Variants in SANBR observed in about 807,000 individuals in gnomAD.
SANBR encodes SANT and BTB domain regulator of CSR, also known as SANT and BTB domain regulator of class switch recombination.
A neutral mutation model predicts 101.8 loss-of-function variants in SANBR; 77 were observed. The ratio of observed to expected loss-of-function variants is 0.76; its 90% CI spans 0.63 to 0.91. The LOEUF (loss-of-function observed/expected upper bound fraction) is 0.91, where lower values mean the gene tolerates loss of function less well. Among genes scored for constraint, SANBR ranks in the 40% least tolerant of loss-of-function variants. The pLI, the probability that SANBR is intolerant of heterozygous loss-of-function variation, is 0.00. For missense variants in SANBR, 875 were observed against 853.0 expected, an observed-to-expected ratio of 1.03 and a Z score of -0.32; for synonymous variants, 279 against 274.7, an observed-to-expected ratio of 1.02 and a Z score of -0.15.
At position 61,109,181 on chromosome 2, in the gene SANBR, T is replaced by G. The variant is rs780451080; in HGVS notation, c.1645-16T>G. 7.9e-6 allele frequency: 9 copies of G among 1,135,356 alleles called. No individual in the cohort carries two copies. The highest frequency in any genetic ancestry group is 1.1e-5 in the Non-Finnish European group (9 of 816,050). The allele number at this position is 1,135,356 out of a possible 1,614,324, so 70.3% of individuals were successfully genotyped here. On this transcript the variant is annotated splice_polypyrimidine_tract_variant and intron_variant, in intron 15 of 21. Coordinates refer to ENST00000402291, the MANE Select transcript of SANBR (RefSeq NM_001129993.3). ...ATCATAATATTACATTTATAATAGA[T>G]TTTTTTTTAACTTAGAAACAACAGT...
chr2:61,106,013 C>G lies in SANBR; in HGVS notation c.1512-550C>G, dbSNP rs145383370. On this transcript the variant is annotated intron_variant, in intron 13 of 21. Coordinates refer to ENST00000402291, the MANE Select transcript of SANBR (RefSeq NM_001129993.3). ...GTACCAATTATAGCAGCCCATTCCACCACCTCATAGGTATGATGCGTCAAG... is the reference window on the plus strand; with the variant it reads ...GTACCAATTATAGCAGCCCATTCCAGCACCTCATAGGTATGATGCGTCAAG... Among the ~76,000 whole-genome samples, 421 of 152,262 alleles carry G rather than the reference C, an allele frequency of 2.8e-3. 2 individuals carry two copies. Among genetic ancestry groups the G allele is most frequent in the African/African-American group, 8.5e-3 (354 of 41,554 alleles).
chr2:61,113,478 T>C (rs1470883729), intron 16 of SANBR, among the ~76,000 whole-genome samples: 2 of 152,212 alleles, frequency 1.3e-5, no homozygotes, highest in East Asian at 3.9e-4. Flanking sequence ...TCTCTCCATT[T>C]ATATAGGACT....
At chr2:61,090,559 C>T in intron 10 of SANBR, 1 of 152,566 alleles carries the variant, frequency 6.6e-6, no homozygotes, top group Non-Finnish European at 1.5e-5. Flanking sequence ...GGCTGGAATG[C>T]AGTGGCGGAA....
chr2:61,109,132 A>G lies in SANBR; in HGVS notation c.1645-65A>G, dbSNP rs1683700714. On this transcript the variant is annotated intron_variant, in intron 15 of 21. Transcript: ENST00000402291. ...TCATTCAAAAGAAATTTAGGTAAAT[A>G]TGTTTGAAAGAATTCAATAAAAAAT... 3.8e-6 allele frequency: 3 copies of G among 784,004 alleles called. No homozygotes were observed. The South Asian group carries it at 9.3e-5, about 24-fold the overall frequency. 48.6% of individuals were successfully genotyped at this position (784,004 alleles called of 1,614,324 possible).
intron 11 of SANBR, among the ~76,000 whole-genome samples, chr2:61,095,493 C>T (rs993915777): frequency 3.3e-5 from 5 of 152,040 alleles, no homozygotes; most frequent in Non-Finnish European, 7.4e-5. Flanking sequence ...TTCTTTAATG[C>T]ATTTATGTTA....
intron 21 of SANBR, among the ~76,000 whole-genome samples, chr2:61,137,077 G>C (rs1243727448): frequency 6.6e-6 from 1 of 151,968 alleles, no homozygotes; most frequent in East Asian, 1.9e-4. Context: ...GCTTGAGAAT[G>C]TGAGACAAGC....
chr2:61,079,560 C>G (rs973804492), intron 6 of SANBR, among the ~76,000 whole-genome samples: 2 of 151,966 alleles, frequency 1.3e-5, no homozygotes, highest in African/African-American at 4.8e-5. Context: ...ATTGCTAAAT[C>G]AAAAATTTCA....
At position 61,115,458 on chromosome 2, in the gene SANBR, G is replaced by A. The variant is rs1573660340; in HGVS notation, c.1745-521G>A. ...AGTGATTCTTGTGCCTCAGTCTCCC[G>A]AATAGCTGGGATTACAGGCATGCAC... On this transcript the variant is annotated intron_variant, in intron 16 of 21. Coordinates refer to ENST00000402291, the MANE Select transcript of SANBR (RefSeq NM_001129993.3). Among the ~76,000 whole-genome samples, 7 of 151,500 alleles carry A rather than the reference G, an allele frequency of 4.6e-5. No individual in the cohort carries two copies. In the South Asian group the frequency reaches 1.5e-3, roughly 32 times the overall value.
intron 6 of SANBR, among the ~76,000 whole-genome samples, chr2:61,080,890 G>T (rs1682086650): frequency 6.6e-6 from 1 of 152,144 alleles, no homozygotes; most frequent in Non-Finnish European, 1.5e-5. Flanking sequence ...CATACCTCGT[G>T]GGAGATGACA....
chr2:61,087,932 AATAG>A (rs1682530295), intron 8 of SANBR, among the ~76,000 whole-genome samples: 1 of 152,134 alleles, frequency 6.6e-6, no homozygotes, highest in South Asian at 2.1e-4. Context: ...TTTATGGGAA[AATAG>A]ATGATTGATC....
downstream of SANBR, among the ~76,000 whole-genome samples, chr2:61,127,537 A>G (rs1450804562): frequency 1.3e-5 from 2 of 152,244 alleles, no homozygotes; most frequent in African/African-American, 2.4e-5. Flanking sequence ...ACACTTGGAT[A>G]AGTAACCACT....
chr2:61,109,382 G>A, intron 16 of SANBR, 86 bp downstream of exon 16: 1 of 681,542 alleles, frequency 1.5e-6, no homozygotes, highest in Non-Finnish European at 2.4e-6. Context: ...TGGGGAATTG[G>A]TTTTATATAG....
At chr2:61,105,695 TG>T (rs1387193373) in intron 13 of SANBR, among the ~76,000 whole-genome samples, 2 of 138,826 alleles carry the variant, frequency 1.4e-5, no homozygotes, top group Admixed American at 1.5e-4. Context: ...TTTTTTGAGA[TG>T]GAGTCTCGCT....
chr2:61,121,429 A>T (rs533108140), intron 21 of SANBR, 153 bp downstream of exon 21: 1 of 488,370 alleles, frequency 2.0e-6, no homozygotes, highest in South Asian at 2.8e-5. Flanking sequence ...TTAGAAACAG[A>T]TTTTAACTTA....
Position 61,103,876 on chromosome 2 carries a change from G to C in SANBR, c.1389G>C (p.Met463Ile), listed in dbSNP as rs1376647129. 6.2e-7 allele frequency: 1 copy of C among 1,614,042 alleles called. No individual in the cohort carries two copies. The highest frequency in any genetic ancestry group is 8.5e-7 in the Non-Finnish European group (1 of 1,180,002). ...LTKGCKVRDH[M>I]VTLRDQGEGG... is the part of the protein sequence containing the mutation. ...AGGGCTGTAAAGTGAGGGACCACAT[G>C]GTTACACTTCGTGATCAAGGTGAAG... The change falls in exon 13 of 22, where the codon ATG (methionine) becomes ATC (isoleucine). Residue 463 changes from methionine to isoleucine, a missense_variant. Coordinates refer to ENST00000402291, the MANE Select transcript of SANBR (RefSeq NM_001129993.3).
intron 11 of SANBR, among the ~76,000 whole-genome samples, chr2:61,095,367 G>GT (rs1682982748): frequency 6.6e-6 from 1 of 152,108 alleles, no homozygotes; most frequent in Non-Finnish European, 1.5e-5. Flanking sequence ...GCACCTTATA[G>GT]TTTTTATAGG....
chr2:61,066,497 G>A (rs1229729517), intron 1 of SANBR: 5 of 152,626 alleles, frequency 3.3e-5, no homozygotes, highest in Non-Finnish European at 7.3e-5. Flanking sequence ...TCTGGGATGT[G>A]ATTTTACTTT....
intron 20 of SANBR, among the ~76,000 whole-genome samples, chr2:61,132,158 CAAAT>C (rs942887048): frequency 1.3e-5 from 2 of 152,026 alleles, no homozygotes; most frequent in Non-Finnish European, 2.9e-5. Context: ...AACAAGCAAA[CAAAT>C]AAATAAATTG....
chr2:61,076,842 C>T, intron 5 of SANBR, 78 bp from the exon 6 acceptor site: 1 of 977,646 alleles, frequency 1.0e-6, no homozygotes, highest in Non-Finnish European at 1.6e-6. Context: ...TGTTCTCTTC[C>T]CTTCACTAAA....
Sources: gnomAD v4.1 joint callset for allele counts (sites outside exome capture counted in the v4.1 genomes callset) on GRCh38, gnomAD v4.1.1 for gene constraint, MANE v1.5 for transcripts, NCBI Gene and HGNC (gene_info 2026-07-23, HGNC 2026-07-21) for gene names.